Variants in KRT1 observed in about 807,000 individuals in gnomAD.
KRT1 encodes the protein keratin, type II cytoskeletal 1.
A neutral mutation model predicts 51.6 loss-of-function variants in KRT1; 28 were observed. That is an observed-to-expected ratio of 0.54 (90% CI 0.40 to 0.74). The LOEUF (loss-of-function observed/expected upper bound fraction) is 0.74. Among genes scored for constraint, KRT1 ranks in the 30% least tolerant of loss-of-function variants. KRT1 has a pLI of 0.00. For missense variants in KRT1, 783 were observed against 815.5 expected, an observed-to-expected ratio of 0.96 and a Z score of 0.49; for synonymous variants, 301 against 307.7, an observed-to-expected ratio of 0.98 and a Z score of 0.23.
chr12:52,679,127 A>G (rs12425650), intron 1 of KRT1, among the ~76,000 whole-genome samples: 18,192 of 152,252 alleles, frequency 0.12, 1,474 homozygotes, highest in Admixed American at 0.23. Flanking sequence ...GGAAAATTCA[A>G]AATTGGATTT....
intron 3 of KRT1, among the ~76,000 whole-genome samples, 194 bp from the exon 4 acceptor site, chr12:52,677,939 G>A (rs1941535815): frequency 1.3e-5 from 2 of 152,154 alleles, no homozygotes; most frequent in South Asian, 2.1e-4. Flanking sequence ...GGCTTGCTGA[G>A]AATCTGCCAC....
intron 1 of KRT1, among the ~76,000 whole-genome samples, chr12:52,679,075 G>A (rs1941549193): frequency 6.6e-6 from 1 of 152,104 alleles, no homozygotes; most frequent in African/African-American, 2.4e-5. Context: ...ATAAAAACTG[G>A]TTTGCATCCC....
chr12:52,675,882 C>T, intron 7 of KRT1, 138 bp from the exon 8 acceptor site: 1 of 980,834 alleles, frequency 1.0e-6, no homozygotes, highest in Non-Finnish European at 1.6e-6. Flanking sequence ...AATCCAATCC[C>T]CTCTGGCCTC....
Position 52,675,762 on chromosome 12 carries a change from A to T in KRT1, c.1476-18T>A. On this transcript the variant is annotated intron_variant, in intron 7 of 8. Transcript: ENST00000252244. ...CAGACATCCTGTAGGAGAAAATAAG[A>T]AAATTCCTCAGGACACTCCAGCTTC... 6.2e-7 allele frequency: 1 copy of T among 1,613,930 alleles called. No individual in the cohort carries two copies. Among genetic ancestry groups the T allele is most frequent in the South Asian group, 1.1e-5 (1 of 91,068 alleles).
chr12:52,677,037 G>A (rs1941516608), intron 6 of KRT1, 22 bp downstream of exon 6: 2 of 1,610,960 alleles, frequency 1.2e-6, no homozygotes, highest in Admixed American at 1.7e-5. Flanking sequence ...ACAGCTGAGT[G>A]GTAGAAGGAG....
At position 52,675,751 on chromosome 12, in the gene KRT1, G is replaced by A. The variant is rs538206873; in HGVS notation, c.1476-7C>T. ...GGCACATTCTCCAGACATCCTGTAG[G>A]AGAAAATAAGAAAATTCCTCAGGAC... On this transcript the variant is annotated splice_polypyrimidine_tract_variant and splice_region_variant and intron_variant, in intron 7 of 8. Transcript: ENST00000252244. 6.2e-6 allele frequency: 10 copies of A among 1,614,060 alleles called. No individual in the cohort carries two copies. The highest frequency in any genetic ancestry group is 1.7e-4 in the Middle Eastern group (1 of 5,982).
Position 52,675,696 on chromosome 12 carries a change from C to G in KRT1, c.1510+14G>C, listed in dbSNP as rs368096664. On this transcript the variant is annotated intron_variant, in intron 8 of 8. Transcript: ENST00000252244. Reference sequence around the variant, plus strand: ...AAGCCTGCACATGCCCCTGAGAAATCGACTTGTACTTACACACACTCACGT... The same window carrying G: ...AAGCCTGCACATGCCCCTGAGAAATGGACTTGTACTTACACACACTCACGT... 6.2e-7 allele frequency: 1 copy of G among 1,614,204 alleles called. No individual in the cohort carries two copies. Among genetic ancestry groups the G allele is most frequent in the African/African-American group, 1.3e-5 (1 of 75,040 alleles).
intron 7 of KRT1, 136 bp downstream of exon 7, chr12:52,676,139 C>T: frequency 1.2e-6 from 1 of 803,546 alleles, no homozygotes; most frequent in Non-Finnish European, 2.1e-6. Context: ...CTAGGTCCTT[C>T]CTCCTGCTCC....
At chr12:52,676,643 C>T in intron 6 of KRT1, 148 bp from the exon 7 acceptor site, 1 of 783,176 alleles carries the variant, frequency 1.3e-6, no homozygotes, top group Non-Finnish European at 2.2e-6. Flanking sequence ...CCAGATAACA[C>T]ATCACCATGT....
In KRT1 at chr12:52,678,649, T is replaced by C; in HGVS notation, c.699A>G (p.Ser233=). Residue 233 remains serine (S), a synonymous_variant, in exon 2 of 9, where the codon TCA becomes TCG. Transcript: ENST00000252244. The part of the protein sequence containing the change: ...RTHNLEPYFE[S]FINNLRRRVD... Reference sequence around the variant, plus strand: ...CTCTCCTTCGGAGATTGTTGATGAATGACTCAAAGTAGGGCTCTAAATTAT... The same window carrying C: ...CTCTCCTTCGGAGATTGTTGATGAACGACTCAAAGTAGGGCTCTAAATTAT... The C allele has an allele frequency of 1.9e-6, 3 of 1,614,234 alleles. No homozygotes were observed. Among genetic ancestry groups the C allele is most frequent in the African/African-American group, 1.3e-5 (1 of 75,056 alleles).
intron 3 of KRT1, 81 bp downstream of exon 3, chr12:52,678,082 G>T: frequency 7.3e-7 from 1 of 1,367,038 alleles, no homozygotes; most frequent in Non-Finnish European, 1.0e-6. Flanking sequence ...TCCATATCAT[G>T]GCTGCTTTCT....
Position 52,675,034 on chromosome 12 carries a change from CA to C in KRT1, c.*158del. On this transcript the variant is annotated 3_prime_UTR_variant, in exon 9 of 9. Coordinates refer to ENST00000252244, the MANE Select transcript of KRT1 (RefSeq NM_006121.4). ...CTGATCTGAAAACTTCATTGGGAAACAGCAGAAAAGAAAGAGCTGGGGGAAT... is the reference window on the plus strand; with the variant it reads ...CTGATCTGAAAACTTCATTGGGAAACGCAGAAAAGAAAGAGCTGGGGGAAT... The C allele has an allele frequency of 1.0e-6, 1 of 1,003,528 alleles. No homozygotes were observed. Among genetic ancestry groups the C allele is most frequent in the Non-Finnish European group, 1.6e-6 (1 of 635,812 alleles). The allele number at this position is 1,003,528 out of a possible 1,614,324, so 62.2% of individuals were successfully genotyped here. A position where few individuals can be genotyped will look rare whatever the true frequency, so the allele number is the denominator to read the frequency against.
intron 3 of KRT1, 120 bp downstream of exon 3, chr12:52,678,043 A>C: frequency 1.1e-6 from 1 of 941,856 alleles, no homozygotes; most frequent in Non-Finnish European, 1.7e-6. Context: ...GCCCCACTCC[A>C]TATACTCCCC....
rs1206389790 is a variant in KRT1 at position 52,678,196 on chromosome 12, T to C, written c.834A>G (p.Thr278=). The change falls in exon 3 of 9, where the codon ACA becomes ACG. Residue 278 remains threonine (T), a synonymous_variant. Transcript: ENST00000252244. ...TGGTCACAAATTCATTCTCTGCATT[T>C]GTCCGCTTGTTGATTTCATCCTCAT... ...NKYEDEINKR[T]NAENEFVTIK... is the part of the protein sequence containing the mutation. 2.5e-6 allele frequency: 4 copies of C among 1,614,096 alleles called. No individual in the cohort carries two copies. The highest frequency in any genetic ancestry group is 3.4e-6 in the Non-Finnish European group (4 of 1,180,052).
chr12:52,677,752 G>A lies in KRT1; in HGVS notation c.868-7C>T, dbSNP rs948098076. On this transcript the variant is annotated splice_region_variant and splice_polypyrimidine_tract_variant and intron_variant, in intron 3 of 8. Coordinates refer to ENST00000252244, the MANE Select transcript of KRT1 (RefSeq NM_006121.4). ...TATAAGCACCATCCACATCCTAGAG[G>A]AACAAGGGACATCATGAAGGCACAT... 1 of 1,612,766 alleles carries A rather than the reference G, an allele frequency of 6.2e-7. No homozygotes were observed. The highest frequency in any genetic ancestry group is 8.5e-7 in the Non-Finnish European group (1 of 1,178,814).
chr12:52,680,088 A>G lies in KRT1; in HGVS notation c.261T>C (p.Gly87=). 6.4e-7 allele frequency: 1 copy of G among 1,556,326 alleles called. No individual in the cohort carries two copies. Among genetic ancestry groups the G allele is most frequent in the South Asian group, 1.2e-5 (1 of 85,038 alleles). Residue 87 remains glycine (G), a synonymous_variant, in exon 1 of 9, where the codon GGT becomes GGC. Transcript: ENST00000252244. Reference sequence around the variant, plus strand: ...CACCATAACCACCACCAAAGCCACTACCACGTCCACCTCCTCTAGCCACAC... The same window carrying G: ...CACCATAACCACCACCAAAGCCACTGCCACGTCCACCTCCTCTAGCCACAC... ...SISVARGGGR[G]SGFGGGYGGG...
At position 52,678,098 on chromosome 12, in the gene KRT1, G is replaced by T. The variant is rs78169845; in HGVS notation, c.867+65C>A. On this transcript the variant is annotated intron_variant, in intron 3 of 8. Transcript: ENST00000252244. The stretch of plus-strand genomic sequence containing the variant: ...CCATATCATGGCTGCTTTCTGCTTA[G>T]TAATTGGAGACCCTCTTCCCTTATT... The T allele has an allele frequency of 4.4e-3, 6,541 of 1,500,130 alleles. 225 individuals carry two copies. In the African/African-American group the frequency reaches 0.077, roughly 18 times the overall value. 92.9% of individuals were successfully genotyped at this position (1,500,130 alleles called of 1,614,324 possible).
chr12:52,676,609 C>T (rs1309881732), intron 6 of KRT1, 114 bp from the exon 7 acceptor site: 1 of 1,038,510 alleles, frequency 9.6e-7, no homozygotes, highest in Non-Finnish European at 1.5e-6. Flanking sequence ...AACCACTTGG[C>T]CTTAAGTCAT....
chr12:52,679,656 T>G, intron 1 of KRT1, 102 bp downstream of exon 1: 1 of 1,029,282 alleles, frequency 9.7e-7, no homozygotes, highest in East Asian at 2.4e-5. Flanking sequence ...CTTTTAATCA[T>G]GTAAACATGG....
Sources: gnomAD v4.1 joint callset for allele counts (sites outside exome capture counted in the v4.1 genomes callset) on GRCh38, gnomAD v4.1.1 for gene constraint, MANE v1.5 for transcripts, NCBI Gene and HGNC (gene_info 2026-07-23, HGNC 2026-07-21) for gene names.